The following BCAS3 variants were observed in gnomAD, a reference collection of about 807,000 sequenced individuals.
BCAS3 encodes BCAS3 microtubule associated cell migration factor, also known as BCAS4/BCAS3 fusion.
Under a neutral mutation model 116.1 loss-of-function variants are expected in BCAS3, and 53 were observed. That is an observed-to-expected ratio of 0.46 (90% confidence interval 0.37 to 0.57). The LOEUF is 0.57. BCAS3 is among the 20% of genes least tolerant of loss of function. BCAS3 has a pLI of 0.00. For missense variants in BCAS3, 917 were observed against 1,165.4 expected (o/e 0.79, Z 3.10); for synonymous variants, 391 against 408.2 (o/e 0.96, Z 0.51).
chr17:60,792,163 A>G (rs954660358), intron 6 of BCAS3, among the ~76,000 whole-genome samples: 3 of 152,122 alleles, frequency 2.0e-5, no homozygotes, highest in Non-Finnish European at 4.4e-5. Context: ...CGTTGTGGCA[A>G]TGTTGGAAAT....
chr17:61,043,131 G>A lies in BCAS3; in HGVS notation c.2029+2239G>A, dbSNP rs187718581. 5.9e-5 allele frequency among the ~76,000 whole-genome samples: 9 copies of A among 151,942 alleles called. No homozygotes were observed. In the South Asian group the frequency reaches 6.2e-4, roughly 11 times the overall value. ...TGTAATCCTAGCACTTTGGGAGACCGAGGTAGGCAGATCGTCTGAGCTCAG... is the reference window on the plus strand; with the variant it reads ...TGTAATCCTAGCACTTTGGGAGACCAAGGTAGGCAGATCGTCTGAGCTCAG... On this transcript the variant is annotated intron_variant, in intron 19 of 23. Coordinates refer to ENST00000407086, the MANE Select transcript of BCAS3 (RefSeq NM_017679.5).
intron 22 of BCAS3, among the ~76,000 whole-genome samples, chr17:61,113,856 C>T (rs1426458256): frequency 1.2e-5 from 1 of 80,772 alleles, no homozygotes; most frequent in East Asian, 4.1e-4. Flanking sequence ...ACTGGCAAAC[C>T]GAATCCAGCA....
chr17:61,059,579 A>T (rs546094975), intron 19 of BCAS3, among the ~76,000 whole-genome samples: 2 of 152,170 alleles, frequency 1.3e-5, no homozygotes, highest in African/African-American at 4.8e-5. Context: ...GCTTCTCATG[A>T]TTCCACCTAC....
intron 22 of BCAS3, among the ~76,000 whole-genome samples, chr17:61,335,463 G>A (rs1398978338): frequency 6.6e-6 from 1 of 152,170 alleles, no homozygotes; most frequent in Admixed American, 6.5e-5. Flanking sequence ...GATGCCCTTT[G>A]GCCACTGCTC....
rs140893561 is a variant in BCAS3 at position 61,347,274 on chromosome 17, G to A, written c.2426-21053G>A. On this transcript the variant is annotated intron_variant, in intron 22 of 23. Coordinates refer to ENST00000407086, the MANE Select transcript of BCAS3 (RefSeq NM_017679.5). The surrounding 1 kb of genome is among the most constrained non-coding windows in gnomAD (Gnocchi z 4.3). ...TTTTTATATTTTTAGTAGAGACGGG[G>A]TTACACCGTGTTGGCCAGGCTGGTC... Among the ~76,000 whole-genome samples the A allele has an allele frequency of 0.039, 5,888 of 152,076 alleles. 163 individuals are homozygous for A. Among genetic ancestry groups the A allele is most frequent in the South Asian group, 0.061 (294 of 4,824 alleles).
rs957901046 is a variant in BCAS3, at chr17:61,337,113, A to G, written c.2426-31214A>G. Among the ~76,000 whole-genome samples the G allele has an allele frequency of 4.1e-5, 5 of 121,314 alleles. No individual in the cohort carries two copies. The highest frequency in any genetic ancestry group is 1.7e-4 in the African/African-American group (5 of 29,112). 79.6% of individuals were successfully genotyped at this position (121,314 alleles called of 152,430 possible). A position where few individuals can be genotyped will look rare whatever the true frequency, so the allele number is the denominator to read the frequency against. On this transcript the variant is annotated intron_variant, in intron 22 of 23. Transcript: ENST00000407086. The surrounding 1 kb of genome is among the most constrained non-coding windows in gnomAD (Gnocchi z 4.8). ...GGGTGACAGAGCAAGACTCCATCTCAAAAAAAAACAACAACAAACTTTATC... is the reference window on the plus strand; with the variant it reads ...GGGTGACAGAGCAAGACTCCATCTCGAAAAAAAACAACAACAAACTTTATC...
At chr17:61,093,016 C>T (rs2143605908) in intron 22 of BCAS3, among the ~76,000 whole-genome samples, 1 of 146,948 alleles carries the variant, frequency 6.8e-6, no homozygotes, top group African/African-American at 2.5e-5. Flanking sequence ...AAGTGATTAT[C>T]CTGCCTCAGC....
At chr17:60,881,120 G>C (rs373555228) in intron 9 of BCAS3, among the ~76,000 whole-genome samples, 1 of 151,994 alleles carries the variant, frequency 6.6e-6, no homozygotes. Flanking sequence ...GACTACAGGC[G>C]CCCGCCACCA....
chr17:61,168,814 G>A (rs1379339074), intron 22 of BCAS3, among the ~76,000 whole-genome samples: 1 of 152,086 alleles, frequency 6.6e-6, no homozygotes, highest in Non-Finnish European at 1.5e-5. Context: ...TATATAGTAC[G>A]GTTTTGGAAT....
chr17:61,291,342 T>C (rs2052391671), intron 22 of BCAS3, among the ~76,000 whole-genome samples: 1 of 152,230 alleles, frequency 6.6e-6, no homozygotes. Flanking sequence ...AGGCCACTTT[T>C]AAACATTACT....
intron 12 of BCAS3, 32 bp downstream of exon 12, chr17:60,910,734 G>T: frequency 6.5e-7 from 1 of 1,544,804 alleles, no homozygotes; most frequent in Non-Finnish European, 8.8e-7. Context: ...TACCATGTGT[G>T]TTACTTGCAA....
chr17:61,387,933 ACTC>A lies in BCAS3; in HGVS notation c.2594-4037_2594-4035del, dbSNP rs1222673014. Among the ~76,000 whole-genome samples, 2 of 151,650 alleles carry A rather than the reference ACTC, an allele frequency of 1.3e-5. No individual in the cohort carries two copies. The highest frequency in any genetic ancestry group is 1.3e-4 in the Admixed American group (2 of 15,248). On this transcript the variant is annotated intron_variant, in intron 23 of 23. Coordinates refer to ENST00000407086, the MANE Select transcript of BCAS3 (RefSeq NM_017679.5). The surrounding 1 kb of genome is among the most constrained non-coding windows in gnomAD (Gnocchi z 6.2). ...GGGTCTAGCCACTTGCCTGGAAGCC[ACTC>A]CTCCTCTCCTGCCCTACTTTGGGGC...
chr17:61,060,931 G>C (rs1430881859), intron 19 of BCAS3, among the ~76,000 whole-genome samples: 2 of 150,686 alleles, frequency 1.3e-5, no homozygotes, highest in African/African-American at 4.9e-5. Flanking sequence ...TTGACGTTGT[G>C]GAGTAGGCAA....
chr17:60,912,710 A>C (rs2058579271), intron 12 of BCAS3, among the ~76,000 whole-genome samples: 1 of 152,122 alleles, frequency 6.6e-6, no homozygotes, highest in African/African-American at 2.4e-5. Context: ...ATTGAAATGA[A>C]ATGTATAAAC....
At chr17:61,176,918 A>C (rs1369972221) in intron 22 of BCAS3, among the ~76,000 whole-genome samples, 1 of 152,162 alleles carries the variant, frequency 6.6e-6, no homozygotes, top group African/African-American at 2.4e-5. Context: ...ACCAAAGAAG[A>C]TCTATAGATG....
intron 22 of BCAS3, among the ~76,000 whole-genome samples, chr17:61,091,504 G>T (rs1228549907): frequency 5.3e-5 from 8 of 152,186 alleles, no homozygotes; most frequent in Admixed American, 5.2e-4. Context: ...ATTTTAAACT[G>T]TCTGCAAGAG....
At chr17:60,807,859 T>C (rs570771309) in intron 6 of BCAS3, 145 bp from the exon 7 acceptor site, 2 of 555,990 alleles carry the variant, frequency 3.6e-6, no homozygotes, top group African/African-American at 3.9e-5. Context: ...ATATAGTAGC[T>C]TTTCTTCTTT....
intron 22 of BCAS3, among the ~76,000 whole-genome samples, chr17:61,193,892 G>A (rs1025055543): frequency 3.3e-5 from 5 of 152,046 alleles, no homozygotes; most frequent in African/African-American, 4.8e-5. Context: ...TGAAGTGGGC[G>A]GATTGCTTGA....
intron 22 of BCAS3, among the ~76,000 whole-genome samples, chr17:61,328,681 C>T (rs1448534370): frequency 6.6e-6 from 1 of 152,092 alleles, no homozygotes; most frequent in Non-Finnish European, 1.5e-5. Flanking sequence ...GGGAGGATCA[C>T]CTGAGCCAGG....
Sources: allele counts gnomAD v4.1 joint callset (sites outside exome capture counted in the v4.1 genomes callset), GRCh38; gene constraint gnomAD v4.1.1; non-coding constraint Gnocchi (gnomAD v3.1); transcripts MANE v1.5; gene names NCBI Gene and HGNC (gene_info 2026-07-23, HGNC 2026-07-21).